WNT7B: variants seen among roughly 807,000 people sequenced by gnomAD.
The protein encoded by WNT7B is Wnt family member 7B.
A neutral mutation model predicts 38.2 loss-of-function variants in WNT7B; 19 were observed. The ratio of observed to expected loss-of-function variants is 0.50; its 90% confidence interval spans 0.35 to 0.73. WNT7B has a LOEUF of 0.73. Among genes scored for constraint, WNT7B ranks in the 30% least tolerant of loss-of-function variants. The probability of loss-of-function intolerance (pLI) is 0.01; values close to 1 mark genes in which losing one functional copy is unlikely to be tolerated. For missense variants in WNT7B, 423 were observed against 507.9 expected (o/e 0.83, Z 1.61); for synonymous variants, 243 against 209.3 (o/e 1.16, Z -1.39).
chr22:45,955,742 C>T (rs911788485), intron 1 of WNT7B, among the ~76,000 whole-genome samples: 2 of 152,206 alleles, frequency 1.3e-5, no homozygotes, highest in African/African-American at 2.4e-5. Context: ...TTCCTTACCC[C>T]AGCCTGGGCC....
At chr22:45,931,918 C>T (rs1931375039) in intron 2 of WNT7B, among the ~76,000 whole-genome samples, 2 of 152,202 alleles carry the variant, frequency 1.3e-5, no homozygotes, top group East Asian at 1.9e-4. Context: ...AGCCAGGAAC[C>T]CAGGCAGAAG....
chr22:45,956,040 G>T (rs533273103), intron 1 of WNT7B, among the ~76,000 whole-genome samples: 1 of 152,274 alleles, frequency 6.6e-6, no homozygotes, highest in South Asian at 2.1e-4. Context: ...TGAGGGGCAG[G>T]TGAGGACACT....
intron 1 of WNT7B, among the ~76,000 whole-genome samples, chr22:45,963,644 C>T (rs886597871): frequency 6.6e-6 from 1 of 152,132 alleles, no homozygotes; most frequent in Non-Finnish European, 1.5e-5. Flanking sequence ...TGTGGCTTTT[C>T]CCCCCACCTT....
intron 2 of WNT7B, among the ~76,000 whole-genome samples, chr22:45,938,252 C>A (rs1400662443): frequency 6.6e-6 from 1 of 151,928 alleles, no homozygotes; most frequent in Non-Finnish European, 1.5e-5. Context: ...CATGGAGGAG[C>A]GAAAAAAGTT....
At chr22:45,967,986 G>T (rs1932350106) in intron 1 of WNT7B, among the ~76,000 whole-genome samples, 1 of 152,100 alleles carries the variant, frequency 6.6e-6, no homozygotes, top group Non-Finnish European at 1.5e-5. Flanking sequence ...GCTGGAACTG[G>T]GAGGGCTGAA....
intron 3 of WNT7B, among the ~76,000 whole-genome samples, chr22:45,928,867 GACATACC>G (rs1931187958): frequency 6.6e-6 from 1 of 151,962 alleles, no homozygotes; most frequent in Non-Finnish European, 1.5e-5. Flanking sequence ...CGCATACCAC[GACATACC>G]ACGACCTTGG....
In WNT7B at chr22:45,923,011, G is replaced by T; in HGVS notation, c.895C>A (p.Pro299Thr). 1 of 1,612,974 alleles carries T rather than the reference G, an allele frequency of 6.2e-7. No homozygotes were observed. ...TQGRLCNRTS[P>T]GADGCDTMCC... The stretch of plus-strand genomic sequence containing the variant: ...ATGGTGTCACAGCCGTCCGCGCCGG[G>T]CGACGTGCGGTTGCAGAGACGGCCC... Residue 299 changes from proline (P) to threonine (T), a missense_variant, in exon 4 of 4, where the codon CCC becomes ACC. By Grantham distance (38) the Pro-to-Thr change is conservative. Coordinates refer to ENST00000339464, the MANE Select transcript of WNT7B (RefSeq NM_058238.3).
At chr22:45,929,685 C>CTTCCATCCCCCCATCCCATT (rs1931246954) in intron 3 of WNT7B, among the ~76,000 whole-genome samples, 1 of 111,828 alleles carries the variant, frequency 8.9e-6, no homozygotes, top group Non-Finnish European at 1.9e-5. Flanking sequence ...TCCCTCCATA[C>CTTCCATCCCCCCATCCCATT]TTCCATCCAC....
chr22:45,935,434 C>A (rs1373593625), intron 2 of WNT7B, among the ~76,000 whole-genome samples: 3 of 152,214 alleles, frequency 2.0e-5, no homozygotes, highest in East Asian at 1.9e-4. Flanking sequence ...GAATAAAGGA[C>A]CTGCTGGCTT....
intron 3 of WNT7B, chr22:45,926,799 G>A (rs1931098398): frequency 8.1e-6 from 8 of 985,380 alleles, no homozygotes; most frequent in South Asian, 9.4e-5. Flanking sequence ...ATGTGGCCTC[G>A]AGTGAAGTTA....
chr22:45,947,440 C>T (rs1931822621), intron 2 of WNT7B, among the ~76,000 whole-genome samples: 1 of 152,224 alleles, frequency 6.6e-6, no homozygotes, highest in Non-Finnish European at 1.5e-5. Flanking sequence ...TACCAGGTTT[C>T]TGCTGAGACA....
intron 1 of WNT7B, among the ~76,000 whole-genome samples, chr22:45,970,890 C>T (rs891637754): frequency 6.6e-6 from 1 of 152,274 alleles, no homozygotes; most frequent in Non-Finnish European, 1.5e-5. Context: ...CCCCCTCAGG[C>T]GATGCCTCCG....
chr22:45,959,441 G>A (rs1932145451), intron 1 of WNT7B, among the ~76,000 whole-genome samples: 1 of 152,152 alleles, frequency 6.6e-6, no homozygotes, highest in South Asian at 2.1e-4. Flanking sequence ...GCCCTCGAGA[G>A]GGCACAGCTC....
rs1043256862 is a variant in WNT7B, at chr22:45,925,305, G to T, written c.571-1970C>A. 4 of 985,314 alleles carry T rather than the reference G, an allele frequency of 4.1e-6. No individual in the cohort carries two copies. In the Admixed American group the frequency reaches 1.8e-4, roughly 45 times the overall value. The allele number at this position is 985,314 out of a possible 1,614,324, so 61.0% of individuals were successfully genotyped here. The stretch of plus-strand genomic sequence containing the variant: ...CCTAGGCTGGCAGCCTGGAGCTGGG[G>T]TGTTTTCTGCTCTGCATCAGTGATG... On this transcript the variant is annotated intron_variant, in intron 3 of 3. Transcript: ENST00000339464.
At position 45,944,408 on chromosome 22, in the gene WNT7B, G is replaced by A. The variant is rs1366557095; in HGVS notation, c.298+5512C>T. The stretch of plus-strand genomic sequence containing the variant: ...CCAGGAGCCTGTGAGCTGCCTTCCC[G>A]GGGAGGGGCAGCCCCGGCCTCGTCC... On this transcript the variant is annotated intron_variant, in intron 2 of 3. Coordinates refer to ENST00000339464, the MANE Select transcript of WNT7B (RefSeq NM_058238.3). Among the ~76,000 whole-genome samples, 5 of 152,276 alleles carry A rather than the reference G, an allele frequency of 3.3e-5. No homozygotes were observed. In the East Asian group the frequency reaches 5.8e-4, roughly 18 times the overall value.
rs533476220 is a variant in WNT7B at position 45,966,411 on chromosome 22, G to A, written c.71+10273C>T. Among the ~76,000 whole-genome samples the A allele has an allele frequency of 7.9e-5, 12 of 152,294 alleles. No homozygotes were observed. The East Asian group carries it at 1.2e-3, about 15-fold the overall frequency. Reference sequence around the variant, plus strand: ...CAGTCCTTGTGCCCGGGCTCCCTCCGGCCTGGCCCATTCAGAGCTCCAACA... The same window carrying A: ...CAGTCCTTGTGCCCGGGCTCCCTCCAGCCTGGCCCATTCAGAGCTCCAACA... On this transcript the variant is annotated intron_variant, in intron 1 of 3. Transcript: ENST00000339464. This position sits in a 1 kb window ranked among gnomAD's most constrained non-coding sequence, Gnocchi z 4.2.
chr22:45,968,453 A>G (rs958277267), intron 1 of WNT7B, among the ~76,000 whole-genome samples: 1 of 152,212 alleles, frequency 6.6e-6, no homozygotes, highest in Non-Finnish European at 1.5e-5. Context: ...CTTGGGACAC[A>G]GCCAGGCAGT....
At chr22:45,946,514 T>C (rs1460261335) in intron 2 of WNT7B, among the ~76,000 whole-genome samples, 5 of 152,194 alleles carry the variant, frequency 3.3e-5, no homozygotes, top group Admixed American at 6.5e-5. Flanking sequence ...ACTGCTCGGC[T>C]GGGGACAGTC....
At chr22:45,937,616 A>G (rs1040219387) in intron 2 of WNT7B, among the ~76,000 whole-genome samples, 2 of 152,256 alleles carry the variant, frequency 1.3e-5, no homozygotes, top group Non-Finnish European at 2.9e-5. Flanking sequence ...CCTTGGAGGC[A>G]GTGCCCGCCA....
Sources: allele counts gnomAD v4.1 joint callset (sites outside exome capture counted in the v4.1 genomes callset), GRCh38; gene constraint gnomAD v4.1.1; non-coding constraint Gnocchi (gnomAD v3.1); transcripts MANE v1.5; gene names NCBI Gene and HGNC (gene_info 2026-07-23, HGNC 2026-07-21).